Variants in SVEP1 observed in about 807,000 individuals in gnomAD.
SVEP1 encodes sushi, von Willebrand factor type A, EGF and pentraxin domain containing 1.
Under a neutral mutation model 367.3 loss-of-function variants are expected in SVEP1, and 164 were observed. That is an observed-to-expected ratio of 0.45 (90% CI 0.39 to 0.51). The LOEUF is 0.51. Ranked by LOEUF, SVEP1 falls within the 20% of genes least tolerant of loss-of-function variation. The pLI is 0.00. For synonymous variants in SVEP1, 1,666 were observed against 1,611.6 expected (o/e 1.03, Z -0.81); for missense variants, 4,117 against 4,425.3 (o/e 0.93, Z 1.98).
intron 40 of SVEP1, among the ~76,000 whole-genome samples, chr9:110,390,052 C>T (rs990034705): frequency 3.5e-4 from 39 of 110,532 alleles, no homozygotes; most frequent in Non-Finnish European, 5.3e-4. Context: ...TATATATACA[C>T]GTATATATAT....
At position 110,377,329 on chromosome 9, in the gene SVEP1, G is replaced by A; in HGVS notation, c.10446C>T (p.Cys3482=). 1 of 1,613,780 alleles carries A rather than the reference G, an allele frequency of 6.2e-7. No homozygotes were observed. The highest frequency in any genetic ancestry group is 8.5e-7 in the Non-Finnish European group (1 of 1,179,766). The stretch of plus-strand genomic sequence containing the variant: ...GACAGGAACAAGCATTTGGGCGTTG[G>A]CAGATGCCCCCATTCTGACATGGAA... The part of the protein sequence containing the change: ...CRFPCQNGGI[C]QRPNACSCPE... The change falls in exon 45 of 48, where the codon TGC becomes TGT. Residue 3482 remains cysteine (C), a synonymous_variant. Transcript: ENST00000374469.
chr9:110,566,352 A>G (rs1022485693), intron 1 of SVEP1, among the ~76,000 whole-genome samples: 3 of 150,904 alleles, frequency 2.0e-5, no homozygotes, highest in African/African-American at 7.3e-5. Flanking sequence ...ATAAATAAAT[A>G]AATAAATAAA....
chr9:110,471,097 T>C (rs1032611487), intron 16 of SVEP1, among the ~76,000 whole-genome samples: 3 of 152,188 alleles, frequency 2.0e-5, no homozygotes, highest in Admixed American at 6.5e-5. Flanking sequence ...AAGTATTCAT[T>C]ATTATTATTG....
chr9:110,576,259 A>G (rs1337951714), intron 1 of SVEP1, among the ~76,000 whole-genome samples: 1 of 150,606 alleles, frequency 6.6e-6, no homozygotes, highest in Non-Finnish European at 1.5e-5. Flanking sequence ...ACTCACACAC[A>G]AAAGCACATT....
rs1397440225 is a variant in SVEP1, at chr9:110,404,478, T to G, written c.9515A>C (p.Glu3172Ala). Residue 3172 changes from glutamate to alanine, a missense_variant, in exon 39 of 48, where the codon GAG (glutamate) becomes GCG (alanine). Transcript: ENST00000374469. The stretch of plus-strand genomic sequence containing the variant: ...TTTTTTAGGACTGCAGGAGATTCTC[T>G]CAGGGAACCAGCGACCATCTTTCTG... ...TCQKDGRWFP[E>A]RISCSPKKCP... The G allele has an allele frequency of 6.2e-7, 1 of 1,614,008 alleles. No individual in the cohort carries two copies.
intron 6 of SVEP1, among the ~76,000 whole-genome samples, chr9:110,501,091 AAT>A (rs1427736545): frequency 6.8e-6 from 1 of 147,928 alleles, no homozygotes; most frequent in Non-Finnish European, 1.5e-5. Flanking sequence ...ACTATATATT[AAT>A]ATAATTAATA....
chr9:110,553,210 G>T (rs1031297842), intron 1 of SVEP1, among the ~76,000 whole-genome samples: 1 of 152,140 alleles, frequency 6.6e-6, no homozygotes, highest in Non-Finnish European at 1.5e-5. Context: ...CCAAGCCCCA[G>T]AGCTTCACGT....
chr9:110,557,957 T>C (rs552080419), intron 1 of SVEP1, among the ~76,000 whole-genome samples: 2 of 152,292 alleles, frequency 1.3e-5, no homozygotes, highest in South Asian at 4.2e-4. Context: ...TATTGAGCAC[T>C]TGAAATGAGA....
At chr9:110,449,354 GT>G (rs1184585405) in intron 24 of SVEP1, among the ~76,000 whole-genome samples, 1 of 152,080 alleles carries the variant, frequency 6.6e-6, no homozygotes, top group African/African-American at 2.4e-5. Context: ...AAAAAAAAAA[GT>G]TTGAAAATCA....
chr9:110,431,764 G>A lies in SVEP1; in HGVS notation c.5353+151C>T, dbSNP rs111629398. 9.9e-4 allele frequency: 1,015 copies of A among 1,024,636 alleles called. 7 individuals carry two copies. In the African/African-American group the frequency reaches 0.015, roughly 15 times the overall value. 63.5% of individuals were successfully genotyped at this position (1,024,636 alleles called of 1,614,324 possible). A position where few individuals can be genotyped will look rare whatever the true frequency, so the allele number is the denominator to read the frequency against. On this transcript the variant is annotated intron_variant, in intron 32 of 47. Coordinates refer to ENST00000374469, the MANE Select transcript of SVEP1 (RefSeq NM_153366.4). ...TAAAGCACTTTTAGTTGTTACTGATGTGTCTTTTGTAAGAACTTTATCTTA... is the reference window on the plus strand; with the variant it reads ...TAAAGCACTTTTAGTTGTTACTGATATGTCTTTTGTAAGAACTTTATCTTA...
intron 36 of SVEP1, 73 bp from the exon 37 acceptor site, chr9:110,411,808 T>C: frequency 7.6e-7 from 1 of 1,321,750 alleles, no homozygotes. Flanking sequence ...CTTCTTCTAT[T>C]TTTTAAATCT....
chr9:110,514,218 A>G, intron 3 of SVEP1, 112 bp from the exon 4 acceptor site: 1 of 1,404,594 alleles, frequency 7.1e-7, no homozygotes, highest in Non-Finnish European at 9.8e-7. Flanking sequence ...TTTCCATAGA[A>G]ATGGTGATGT....
chr9:110,483,552 T>A (rs781583511), intron 10 of SVEP1, 34 bp downstream of exon 10: 1 of 1,508,480 alleles, frequency 6.6e-7, no homozygotes, highest in Non-Finnish European at 9.0e-7. Flanking sequence ...AATTCATTGC[T>A]ACTATGCTGA....
At chr9:110,415,726 G>T (rs1479347265) in intron 36 of SVEP1, among the ~76,000 whole-genome samples, 1 of 151,964 alleles carries the variant, frequency 6.6e-6, no homozygotes, top group Non-Finnish European at 1.5e-5. Context: ...TATAATACTT[G>T]ACGAATTACA....
intron 35 of SVEP1, among the ~76,000 whole-genome samples, chr9:110,428,813 G>A (rs1031280390): frequency 2.0e-5 from 3 of 152,190 alleles, no homozygotes; most frequent in African/African-American, 7.2e-5. Flanking sequence ...GCTCACACCT[G>A]TAATTCCAGC....
rs953379006 is a variant in SVEP1, at chr9:110,366,439, A to C, written c.*100T>G. ...GTAACAAGTTTACTAAACAAGACCC[A>C]GCACCATGTTGGACTTTCTTTGCAT... On this transcript the variant is annotated 3_prime_UTR_variant, in exon 48 of 48. Transcript: ENST00000374469. 3.2e-6 allele frequency: 4 copies of C among 1,256,300 alleles called. No individual in the cohort carries two copies. Among genetic ancestry groups the C allele is most frequent in the Non-Finnish European group, 4.3e-6 (4 of 941,036 alleles). The allele number at this position is 1,256,300 out of a possible 1,614,324, so 77.8% of individuals were successfully genotyped here. A position where few individuals can be genotyped will look rare whatever the true frequency, so the allele number is the denominator to read the frequency against.
intron 5 of SVEP1, among the ~76,000 whole-genome samples, chr9:110,505,820 T>TC (rs146116157): frequency 2.3e-4 from 20 of 88,368 alleles, no homozygotes; most frequent in Admixed American, 5.6e-4. Context: ...CTTTTCTCTC[T>TC]TTTTTTTTTT....
chr9:110,444,132 T>C (rs909447817), intron 26 of SVEP1, among the ~76,000 whole-genome samples: 8 of 152,208 alleles, frequency 5.3e-5, no homozygotes, highest in African/African-American at 1.9e-4. Flanking sequence ...AAATTTCAGA[T>C]GTTTCATAGA....
In SVEP1 at chr9:110,366,384, T is replaced by C. The variant is rs1270477991; in HGVS notation, c.*155A>G. 1.7e-6 allele frequency: 1 copy of C among 602,860 alleles called. No homozygotes were observed. Among genetic ancestry groups the C allele is most frequent in the African/African-American group, 1.9e-5 (1 of 53,262 alleles). 37.3% of individuals were successfully genotyped at this position (602,860 alleles called of 1,614,324 possible). On this transcript the variant is annotated 3_prime_UTR_variant, in exon 48 of 48. Transcript: ENST00000374469. ...AAGTATGTCACAAGGAATAACAAAA[T>C]ATATCACAAAATAAAAAAAGTAACC...
Sources: allele counts gnomAD v4.1 joint callset (sites outside exome capture counted in the v4.1 genomes callset), GRCh38; gene constraint gnomAD v4.1.1; transcripts MANE v1.5; gene names NCBI Gene and HGNC (gene_info 2026-07-23, HGNC 2026-07-21).